The following ARMC8 variants were observed in gnomAD, a reference collection of about 807,000 sequenced individuals.
ARMC8 encodes armadillo repeat-containing protein 8.
ARMC8 carries 20 observed loss-of-function variants against 99.3 expected under a neutral mutation model. That is an observed-to-expected ratio of 0.20 (90% CI 0.14 to 0.29). ARMC8 has a LOEUF of 0.29. Among genes scored for constraint, ARMC8 ranks in the 10% least tolerant of loss-of-function variants. The pLI is 1.00. For synonymous variants in ARMC8, 263 were observed against 278.3 expected (o/e 0.95, Z 0.55); for missense variants, 569 against 809.5 (o/e 0.70, Z 3.60).
chr3:138,241,758 A>G lies in ARMC8; in HGVS notation c.838-25A>G, dbSNP rs200291450. On this transcript the variant is annotated intron_variant, in intron 10 of 21. Transcript: ENST00000469044. ...AAGCTTTTACCTTTACCAAAAAGCAAATAATTAATCTCACTACCTTTCAGA... is the reference window on the plus strand; with the variant it reads ...AAGCTTTTACCTTTACCAAAAAGCAGATAATTAATCTCACTACCTTTCAGA... 350 of 1,611,028 alleles carry G rather than the reference A, an allele frequency of 2.2e-4. No individual in the cohort carries two copies. The African/African-American group carries it at 4.3e-3, about 20-fold the overall frequency.
At chr3:138,293,004 T>C (rs536772563) in intron 21 of ARMC8, among the ~76,000 whole-genome samples, 26 of 152,252 alleles carry the variant, frequency 1.7e-4, no homozygotes, top group Admixed American at 1.1e-3. Flanking sequence ...TGCTATGTCC[T>C]CCAAAAAGCC....
At chr3:138,259,240 A>G (rs2047546695) in intron 12 of ARMC8, among the ~76,000 whole-genome samples, 1 of 152,130 alleles carries the variant, frequency 6.6e-6, no homozygotes, top group South Asian at 2.1e-4. Context: ...TTAAACCTTC[A>G]TATGGGTCAG....
In ARMC8 at chr3:138,241,999, T is replaced by A; in HGVS notation, c.1038+16T>A. On this transcript the variant is annotated intron_variant, in intron 11 of 21. Coordinates refer to ENST00000469044, the MANE Select transcript of ARMC8 (RefSeq NM_001363941.2). ...TATTAAAAGGGTATGTTATTTTCCT[T>A]TTTTAGCAGCTCAAGGGAGATTTTT... 1.2e-6 allele frequency: 2 copies of A among 1,609,184 alleles called. No individual in the cohort carries two copies. Among genetic ancestry groups the A allele is most frequent in the Non-Finnish European group, 8.5e-7 (1 of 1,176,150 alleles).
chr3:138,230,893 A>G (rs2045994520), intron 6 of ARMC8, among the ~76,000 whole-genome samples: 1 of 152,250 alleles, frequency 6.6e-6, no homozygotes, highest in Non-Finnish European at 1.5e-5. Context: ...GAAACTTCTC[A>G]ATGCTGTTTT....
rs1030202449 is a variant in ARMC8, at chr3:138,296,526, T to C, written c.*634T>C. ...ATGCATTTCTGAACCTCAACTTACA[T>C]AGATTTTCTTTATATAAAAAAAAAG... On this transcript the variant is annotated 3_prime_UTR_variant, in exon 22 of 22. Transcript: ENST00000469044. 1 of 152,094 alleles carries C rather than the reference T, an allele frequency of 6.6e-6. No individual in the cohort carries two copies. The highest frequency in any genetic ancestry group is 2.1e-4 in the South Asian group (1 of 4,820). The allele number at this position is 152,094 out of a possible 1,614,324, so 9.4% of individuals were successfully genotyped here.
At chr3:138,188,167 A>G (rs2043178646) in intron 1 of ARMC8, 1 of 271,476 alleles carries the variant, frequency 3.7e-6, no homozygotes, top group East Asian at 7.2e-5. Flanking sequence ...ATCAGCTGCA[A>G]CTCTTCCTAG....
intron 18 of ARMC8, among the ~76,000 whole-genome samples, chr3:138,282,100 C>T (rs1349799525): frequency 6.6e-6 from 1 of 152,182 alleles, no homozygotes; most frequent in Admixed American, 6.5e-5. Flanking sequence ...CTAGATTGGC[C>T]TCACCCTCTG....
chr3:138,210,705 A>G (rs750677604), intron 2 of ARMC8, among the ~76,000 whole-genome samples: 5 of 152,142 alleles, frequency 3.3e-5, no homozygotes, highest in East Asian at 1.9e-4. Context: ...CTCTAATCCC[A>G]TAAGCATTGT....
chr3:138,222,366 T>C (rs1476869024), intron 3 of ARMC8, among the ~76,000 whole-genome samples: 1 of 152,234 alleles, frequency 6.6e-6, no homozygotes, highest in Non-Finnish European at 1.5e-5. Flanking sequence ...AAGACCTTTT[T>C]GAATTTAAAG....
At chr3:138,237,762 A>G (rs2046405873) in intron 9 of ARMC8, among the ~76,000 whole-genome samples, 190 bp downstream of exon 9, 1 of 152,218 alleles carries the variant, frequency 6.6e-6, no homozygotes, top group African/African-American at 2.4e-5. Context: ...TACTAGTAAT[A>G]TGCAGAACAG....
intron 6 of ARMC8, 167 bp downstream of exon 6, chr3:138,229,177 T>TAC (rs1559958090): frequency 2.0e-4 from 7 of 35,854 alleles, no homozygotes; most frequent in African/African-American, 6.2e-4. Context: ...TATATATATA[T>TAC]ATATATGTAT....
chr3:138,220,658 T>A (rs539300026), intron 2 of ARMC8, among the ~76,000 whole-genome samples: 2 of 152,120 alleles, frequency 1.3e-5, no homozygotes, highest in African/African-American at 2.4e-5. Context: ...TAGAAATGTA[T>A]GCTGACTATA....
intron 6 of ARMC8, 185 bp downstream of exon 6, chr3:138,229,195 T>TATAAA (rs2045905694): frequency 8.4e-6 from 1 of 119,114 alleles, no homozygotes; most frequent in African/African-American, 3.2e-5. Flanking sequence ...TATATGTATA[T>TATAAA]GTATATGTAT....
chr3:138,188,396 A>T, intron 1 of ARMC8: 1 of 1,503,924 alleles, frequency 6.6e-7, no homozygotes, highest in Non-Finnish European at 8.9e-7. Context: ...TTTTTTTAAA[A>T]AAAGTTTTTT....
rs1254437762 is a variant in ARMC8 at position 138,296,254 on chromosome 3, G to A, written c.*362G>A. On this transcript the variant is annotated 3_prime_UTR_variant, in exon 22 of 22. Transcript: ENST00000469044. ...CACAGGCATGCGTGTGTATGTGCAC[G>A]TACATGGGCCAGAATGAATGGATGT... 2.7e-5 allele frequency: 5 copies of A among 182,452 alleles called. No individual in the cohort carries two copies. The highest frequency in any genetic ancestry group is 1.5e-4 in the East Asian group (1 of 6,798). 11.3% of individuals were successfully genotyped at this position (182,452 alleles called of 1,614,324 possible). A position where few individuals can be genotyped will look rare whatever the true frequency, so the allele number is the denominator to read the frequency against.
At chr3:138,262,615 T>C in intron 12 of ARMC8, 1 of 1,523,352 alleles carries the variant, frequency 6.6e-7, no homozygotes, top group Non-Finnish European at 8.9e-7. Context: ...AAAAAAAAAT[T>C]TAGGTGCCTA....
At chr3:138,279,123 C>T (rs956138116) in intron 18 of ARMC8, among the ~76,000 whole-genome samples, 15 of 152,146 alleles carry the variant, frequency 9.9e-5, no homozygotes, top group African/African-American at 3.4e-4. Context: ...CAGTCTTTCA[C>T]TATTGAATAT....
At chr3:138,262,545 C>T in intron 12 of ARMC8, 2 of 1,612,264 alleles carry the variant, frequency 1.2e-6, no homozygotes, top group South Asian at 1.1e-5. Context: ...TCATTTTAGT[C>T]TAGGTCAGTG....
rs373051339 is a variant in ARMC8 at position 138,234,992 on chromosome 3, A to G, written c.529-42A>G. ...AAATGTGGTTTTATTGGAATGAGTCATTACTCTTCTAAATATATTGTTGTA... is the reference window on the plus strand; with the variant it reads ...AAATGTGGTTTTATTGGAATGAGTCGTTACTCTTCTAAATATATTGTTGTA... On this transcript the variant is annotated intron_variant, in intron 6 of 21. Coordinates refer to ENST00000469044, the MANE Select transcript of ARMC8 (RefSeq NM_001363941.2). 6 of 1,495,150 alleles carry G rather than the reference A, an allele frequency of 4.0e-6. No homozygotes were observed. In the African/African-American group the frequency reaches 8.3e-5, roughly 21 times the overall value. 92.6% of individuals were successfully genotyped at this position (1,495,150 alleles called of 1,614,324 possible). A position where few individuals can be genotyped will look rare whatever the true frequency, so the allele number is the denominator to read the frequency against.
Sources: allele counts gnomAD v4.1 joint callset (sites outside exome capture counted in the v4.1 genomes callset), GRCh38; gene constraint gnomAD v4.1.1; transcripts MANE v1.5; gene names NCBI Gene and HGNC (gene_info 2026-07-23, HGNC 2026-07-21).